Variants in MARCHF4 observed in about 807,000 individuals in gnomAD.
The protein encoded by MARCHF4 is E3 ubiquitin-protein ligase MARCHF4.
Under a neutral mutation model 43.9 loss-of-function variants are expected in MARCHF4, and 14 were observed. The observed-to-expected ratio is 0.32, with a 90% CI of 0.21 to 0.50. MARCHF4 has a LOEUF of 0.50. Among genes scored for constraint, MARCHF4 ranks in the 20% least tolerant of loss-of-function variants. The probability of loss-of-function intolerance (pLI) is 0.98; values close to 1 mark genes in which losing one functional copy is unlikely to be tolerated. For missense variants in MARCHF4, 468 were observed against 536.7 expected, an observed-to-expected ratio of 0.87 and a Z score of 1.27; for synonymous variants, 226 against 213.3, an observed-to-expected ratio of 1.06 and a Z score of -0.52.
chr2:216,286,429 C>T (rs902145822), intron 1 of MARCHF4, among the ~76,000 whole-genome samples: 1 of 151,784 alleles, frequency 6.6e-6, no homozygotes, highest in African/African-American at 2.4e-5. Flanking sequence ...ACGCCAGCTA[C>T]TCGGGAGGCT....
Position 216,328,148 on chromosome 2 carries a change from C to T in MARCHF4, c.516+41597G>A, listed in dbSNP as rs1196906022. On this transcript the variant is annotated intron_variant, in intron 1 of 3. Coordinates refer to ENST00000273067, the MANE Select transcript of MARCHF4 (RefSeq NM_020814.3). ...CTGCAAGACAGGAAAGGCAAGGGGG[C>T]GTACAATCCTGATTTATTTTGTTTT... Among the ~76,000 whole-genome samples, 6 of 152,032 alleles carry T rather than the reference C, an allele frequency of 3.9e-5. No individual in the cohort carries two copies. In the South Asian group the frequency reaches 6.2e-4, roughly 16 times the overall value.
chr2:216,292,042 C>T (rs1173422230), intron 1 of MARCHF4, among the ~76,000 whole-genome samples: 1 of 152,210 alleles, frequency 6.6e-6, no homozygotes, highest in African/African-American at 2.4e-5. Context: ...TGCTGGCTCC[C>T]CTGTTATCAT....
intron 1 of MARCHF4, among the ~76,000 whole-genome samples, chr2:216,294,996 C>T (rs554906471): frequency 1.3e-5 from 2 of 152,302 alleles, no homozygotes; most frequent in South Asian, 4.1e-4. Flanking sequence ...ACCGCTTTGC[C>T]AGTGCTTCTG....
At chr2:216,359,733 C>T (rs1384054208) in intron 1 of MARCHF4, among the ~76,000 whole-genome samples, 5 of 152,194 alleles carry the variant, frequency 3.3e-5, no homozygotes, top group Non-Finnish European at 7.3e-5. Context: ...CACGCTGAGA[C>T]CCCTTCTAAA....
chr2:216,300,091 C>A (rs1327728484), intron 1 of MARCHF4, among the ~76,000 whole-genome samples: 1 of 152,056 alleles, frequency 6.6e-6, no homozygotes, highest in Admixed American at 6.6e-5. Context: ...AGATCTAGAG[C>A]CATTAGTACA....
chr2:216,323,645 C>T (rs1296193664), intron 1 of MARCHF4, among the ~76,000 whole-genome samples: 1 of 152,110 alleles, frequency 6.6e-6, no homozygotes, highest in Non-Finnish European at 1.5e-5. Context: ...AACTAGAACT[C>T]AGGATTAAGA....
chr2:216,265,470 AG>A (rs1690830822), intron 3 of MARCHF4: 1 of 151,854 alleles, frequency 6.6e-6, no homozygotes, highest in African/African-American at 2.4e-5. Flanking sequence ...GTGATATAAA[AG>A]TTACTGACAC....
At chr2:216,311,552 T>G (rs1691687207) in intron 1 of MARCHF4, among the ~76,000 whole-genome samples, 1 of 152,180 alleles carries the variant, frequency 6.6e-6, no homozygotes, top group Non-Finnish European at 1.5e-5. Context: ...GCCACTGCAC[T>G]CGGCCGTAAA....
chr2:216,298,708 C>T (rs1402819768), intron 1 of MARCHF4, among the ~76,000 whole-genome samples: 1 of 152,108 alleles, frequency 6.6e-6, no homozygotes, highest in African/African-American at 2.4e-5. Flanking sequence ...CAAAATTTTC[C>T]TCATAACTAC....
chr2:216,288,046 T>G (rs974239582), intron 1 of MARCHF4, among the ~76,000 whole-genome samples: 5 of 152,148 alleles, frequency 3.3e-5, no homozygotes, highest in African/African-American at 1.2e-4. Flanking sequence ...ACTGCAGCCT[T>G]GAGCTCCCCA....
intron 1 of MARCHF4, among the ~76,000 whole-genome samples, chr2:216,365,407 G>A (rs1692649336): frequency 6.6e-6 from 1 of 152,198 alleles, no homozygotes; most frequent in Non-Finnish European, 1.5e-5. Context: ...GACTGCCATG[G>A]TGGATTTCAT....
chr2:216,320,283 T>G (rs1290225556), intron 1 of MARCHF4, among the ~76,000 whole-genome samples: 1 of 152,244 alleles, frequency 6.6e-6, no homozygotes, highest in Non-Finnish European at 1.5e-5. Flanking sequence ...GGTGCTTTAT[T>G]CCCTGCCTCT....
chr2:216,283,620 T>C lies in MARCHF4; in HGVS notation c.626A>G (p.Tyr209Cys). ...ERGCWSCELC[Y>C]YKYHVIAIST... The stretch of plus-strand genomic sequence containing the variant: ...TATGGCGATGACGTGGTACTTGTAG[T>C]AGCACAGCTCGCAGCTCCAGCAGCC... Residue 209 changes from tyrosine to cysteine, a missense_variant, in exon 2 of 4, where the codon TAC becomes TGC. Physicochemically the swap from Tyr to Cys is radical, Grantham distance 194 (BLOSUM62 -2). Transcript: ENST00000273067. 1 of 1,613,436 alleles carries C rather than the reference T, an allele frequency of 6.2e-7. No individual in the cohort carries two copies. Among genetic ancestry groups the C allele is most frequent in the Non-Finnish European group, 8.5e-7 (1 of 1,179,390 alleles).
At chr2:216,310,929 G>A (rs1691675443) in intron 1 of MARCHF4, among the ~76,000 whole-genome samples, 1 of 152,092 alleles carries the variant, frequency 6.6e-6, no homozygotes, top group African/African-American at 2.4e-5. Context: ...AACATCACAA[G>A]TGATGGGAAG....
intron 1 of MARCHF4, among the ~76,000 whole-genome samples, chr2:216,350,400 ACCCCTCACCATGCCACAC>A (rs1692386710): frequency 1.0e-5 from 1 of 95,690 alleles, no homozygotes; most frequent in African/African-American, 4.2e-5. Flanking sequence ...CCATGCCACA[ACCCCTCACCATGCCACAC>A]CCCCTCACTA....
intron 1 of MARCHF4, among the ~76,000 whole-genome samples, chr2:216,284,771 T>A (rs1443175188): frequency 6.6e-6 from 1 of 152,176 alleles, no homozygotes; most frequent in East Asian, 1.9e-4. Flanking sequence ...ATTCCTGGAA[T>A]CATATTTCTT....
rs770707881 is a variant in MARCHF4, at chr2:216,259,553, C to T, written c.992G>A (p.Arg331Lys). The T allele has an allele frequency of 5.6e-6, 9 of 1,614,198 alleles. No individual in the cohort carries two copies. The South Asian group carries it at 7.7e-5, about 14-fold the overall frequency. Residue 331 changes from arginine to lysine, a missense_variant, in exon 4 of 4, where the codon AGG (arginine) becomes AAG (lysine). Transcript: ENST00000273067. ...GGATGAGGAGGTCCGGGGGTTGGTCCTGCCTCCTGCCTTTTGATCCTCCAG... is the reference window on the plus strand; with the variant it reads ...GGATGAGGAGGTCCGGGGGTTGGTCTTGCCTCCTGCCTTTTGATCCTCCAG... ...KDLEDQKAGG[R>K]TNPRTSSSTQ...
chr2:216,341,730 C>T (rs1692238099), intron 1 of MARCHF4, among the ~76,000 whole-genome samples: 1 of 152,174 alleles, frequency 6.6e-6, no homozygotes, highest in Non-Finnish European at 1.5e-5. Context: ...TGCATAGACA[C>T]CAATCCATCA....
intron 1 of MARCHF4, among the ~76,000 whole-genome samples, chr2:216,298,398 T>A (rs1459132065): frequency 6.6e-6 from 1 of 151,524 alleles, no homozygotes; most frequent in African/African-American, 2.4e-5. Flanking sequence ...CCTGGGTAGC[T>A]GGGACTACAG....
Sources: allele counts gnomAD v4.1 joint callset (sites outside exome capture counted in the v4.1 genomes callset), GRCh38; gene constraint gnomAD v4.1.1; transcripts MANE v1.5; gene names NCBI Gene and HGNC (gene_info 2026-07-23, HGNC 2026-07-21).